The following ATF2 variants were observed in gnomAD, a reference collection of about 807,000 sequenced individuals.
The protein encoded by ATF2 is activating transcription factor 2.
In ATF2, 24 loss-of-function variants were observed where a neutral mutation model predicts 60.6. That is an observed-to-expected ratio of 0.40 (90% CI 0.29 to 0.56). The LOEUF is 0.56. ATF2 is among the 20% of genes least tolerant of loss of function. The pLI, the probability that ATF2 is intolerant of heterozygous loss-of-function variation, is 0.54. For synonymous variants in ATF2, 206 were observed against 215.4 expected (o/e 0.96, Z 0.38); for missense variants, 433 against 607.7 (o/e 0.71, Z 3.02).
At chr2:175,128,619 C>A (rs1415034439) in intron 4 of ATF2, among the ~76,000 whole-genome samples, 4 of 151,812 alleles carry the variant, frequency 2.6e-5, no homozygotes, top group Admixed American at 6.6e-5. Flanking sequence ...AGGAGAATAC[C>A]TTCATAATCT....
At chr2:175,143,915 T>A (rs1031248280) in intron 2 of ATF2, among the ~76,000 whole-genome samples, 1 of 152,096 alleles carries the variant, frequency 6.6e-6, no homozygotes, top group Non-Finnish European at 1.5e-5. Flanking sequence ...CACTTCAGCC[T>A]CGCAAATAGC....
chr2:175,111,773 A>T lies in ATF2; in HGVS notation c.742-119T>A, dbSNP rs1222009395. ...ATCAGAACATTGTAAATTTATCACC[A>T]GCTGATTTTATCTCTATACCAAATC... is the stretch of plus-strand genomic sequence containing the variant. On this transcript the variant is annotated intron_variant, in intron 9 of 13. Coordinates refer to ENST00000264110, the MANE Select transcript of ATF2 (RefSeq NM_001880.4). 12 of 835,330 alleles carry T rather than the reference A, an allele frequency of 1.4e-5. 1 individual carries two copies. In the Admixed American group the frequency reaches 3.3e-4, roughly 23 times the overall value. The allele number at this position is 835,330 out of a possible 1,614,324, so 51.7% of individuals were successfully genotyped here. A position where few individuals can be genotyped will look rare whatever the true frequency, so the allele number is the denominator to read the frequency against.
At chr2:175,096,422 T>C (rs1380907409) in intron 11 of ATF2, among the ~76,000 whole-genome samples, 3 of 152,196 alleles carry the variant, frequency 2.0e-5, no homozygotes, top group Non-Finnish European at 4.4e-5. Context: ...CCTACATATG[T>C]GTGTATATGT....
intron 2 of ATF2, among the ~76,000 whole-genome samples, chr2:175,147,445 A>T (rs1174163894): frequency 6.6e-6 from 1 of 152,206 alleles, no homozygotes; most frequent in Non-Finnish European, 1.5e-5. Flanking sequence ...TTGATCTTCT[A>T]TTTAGTTGGT....
chr2:175,150,957 C>G (rs1331133684), intron 2 of ATF2, 103 bp downstream of exon 2: 3 of 152,500 alleles, frequency 2.0e-5, no homozygotes, highest in Non-Finnish European at 2.9e-5. Flanking sequence ...CTTCAGCATT[C>G]TGAAGACAAC....
intron 10 of ATF2, among the ~76,000 whole-genome samples, chr2:175,111,062 T>C (rs1319273833): frequency 6.6e-6 from 1 of 152,140 alleles, no homozygotes; most frequent in Non-Finnish European, 1.5e-5. Flanking sequence ...AGTTGCTTAA[T>C]TAAAGGTAGT....
At chr2:175,149,615 T>C in intron 2 of ATF2, among the ~76,000 whole-genome samples, 1 of 152,136 alleles carries the variant, frequency 6.6e-6, no homozygotes, top group East Asian at 1.9e-4. Flanking sequence ...GGGAGAATAA[T>C]GGTCTGAACT....
At chr2:175,101,257 A>C (rs1050581493) in intron 10 of ATF2, among the ~76,000 whole-genome samples, 1 of 152,194 alleles carries the variant, frequency 6.6e-6, no homozygotes, top group Non-Finnish European at 1.5e-5. Context: ...CCAGATAGGA[A>C]TACTTAGAAA....
chr2:175,094,532 T>C (rs555090355), intron 11 of ATF2, among the ~76,000 whole-genome samples: 2 of 151,098 alleles, frequency 1.3e-5, no homozygotes, highest in Admixed American at 1.3e-4. Flanking sequence ...CTTTTACCTA[T>C]AATTTATTAT....
chr2:175,134,976 C>G (rs1170931910), intron 3 of ATF2, among the ~76,000 whole-genome samples: 1 of 145,604 alleles, frequency 6.9e-6, no homozygotes, highest in Non-Finnish European at 1.5e-5. Flanking sequence ...TGCAATCCAG[C>G]CTGGGTGACA....
chr2:175,150,652 G>A (rs59586585), intron 2 of ATF2, among the ~76,000 whole-genome samples: 14,762 of 151,896 alleles, frequency 0.097, 792 homozygotes, highest in Middle Eastern at 0.17. Flanking sequence ...TAGCTTGTAC[G>A]GCCCTAGAGT....
At chr2:175,153,185 G>C (rs1273858905) in intron 1 of ATF2, among the ~76,000 whole-genome samples, 2 of 152,152 alleles carry the variant, frequency 1.3e-5, no homozygotes, top group Non-Finnish European at 2.9e-5. Flanking sequence ...TAATCACCCA[G>C]ACTTTGAACA....
At chr2:175,114,302 G>C (rs1696400973) in intron 8 of ATF2, 194 bp from the exon 9 acceptor site, 1 of 1,311,422 alleles carries the variant, frequency 7.6e-7, no homozygotes, top group African/African-American at 1.5e-5. Flanking sequence ...GTATTGAAAA[G>C]AAGAGAAAAG....
At chr2:175,166,332 G>A (rs1700347769) in intron 1 of ATF2, among the ~76,000 whole-genome samples, 1 of 152,180 alleles carries the variant, frequency 6.6e-6, no homozygotes, top group Non-Finnish European at 1.5e-5. Flanking sequence ...AAATTTGGAA[G>A]ATTCTCAGAA....
intron 2 of ATF2, among the ~76,000 whole-genome samples, chr2:175,137,233 T>C (rs1332874631): frequency 1.3e-5 from 2 of 152,174 alleles, no homozygotes; most frequent in African/African-American, 4.8e-5. Flanking sequence ...GGAGTAAAGG[T>C]GGATCTGGTA....
chr2:175,131,679 TTAAG>T (rs1203697470), intron 3 of ATF2, among the ~76,000 whole-genome samples: 1 of 152,210 alleles, frequency 6.6e-6, no homozygotes, highest in Non-Finnish European at 1.5e-5. Context: ...ATATAAATTT[TTAAG>T]TAAGAGCAAA....
rs10188476 is a variant in ATF2 at position 175,127,358 on chromosome 2, C to G, written c.102+2780G>C. The G allele has an allele frequency of 2.0e-3, 311 of 154,710 alleles. 3 individuals carry two copies. The highest frequency in any genetic ancestry group is 6.7e-3 in the African/African-American group (278 of 41,602). 9.6% of individuals were successfully genotyped at this position (154,710 alleles called of 1,614,324 possible). ...GCAAAGAGAACTGTAGTTTTTAGCT[C>G]TCTTAACTTTACAGAAAAATATATA... On this transcript the variant is annotated intron_variant, in intron 4 of 13. Coordinates refer to ENST00000264110, the MANE Select transcript of ATF2 (RefSeq NM_001880.4).
At chr2:175,126,735 G>C (rs1220335653) in intron 4 of ATF2, 1 of 152,066 alleles carries the variant, frequency 6.6e-6, no homozygotes, top group Non-Finnish European at 1.5e-5. Context: ...AGAGAATCAG[G>C]AAAGGGCTTT....
chr2:175,112,247 GT>G (rs1696247908), intron 9 of ATF2, among the ~76,000 whole-genome samples: 1 of 151,840 alleles, frequency 6.6e-6, no homozygotes, highest in African/African-American at 2.4e-5. Context: ...TCATCACTAG[GT>G]ACATGTAACA....
Sources: allele counts gnomAD v4.1 joint callset (sites outside exome capture counted in the v4.1 genomes callset), GRCh38; gene constraint gnomAD v4.1.1; transcripts MANE v1.5; gene names NCBI Gene and HGNC (gene_info 2026-07-23, HGNC 2026-07-21).